The following PHACTR1 variants were observed in gnomAD, a reference collection of about 807,000 sequenced individuals.
PHACTR1 encodes phosphatase and actin regulator 1.
A neutral mutation model predicts 69.2 loss-of-function variants in PHACTR1; 16 were observed. That is an observed-to-expected ratio of 0.23 (90% CI 0.16 to 0.35). The LOEUF is 0.35. Among genes scored for constraint, PHACTR1 ranks in the 10% least tolerant of loss-of-function variants. The probability of loss-of-function intolerance (pLI) is 1.00; values close to 1 mark genes in which losing one functional copy is unlikely to be tolerated. For synonymous variants in PHACTR1, 312 were observed against 284.5 expected (o/e 1.10, Z -0.97); for missense variants, 510 against 734.7 (o/e 0.69, Z 3.54).
intron 4 of PHACTR1, among the ~76,000 whole-genome samples, chr6:13,006,842 C>G (rs1028879404): frequency 6.6e-6 from 1 of 152,164 alleles, no homozygotes; most frequent in Non-Finnish European, 1.5e-5. Context: ...CTTCAGAACC[C>G]AAAGGGAAGC....
At chr6:13,060,336 A>G (rs7738252) in intron 5 of PHACTR1, among the ~76,000 whole-genome samples, 38,141 of 152,082 alleles carry the variant, frequency 0.25, 5,222 homozygotes, top group African/African-American at 0.35. Context: ...TGAGAAGTTT[A>G]GCAGCTAAGT....
intron 10 of PHACTR1, chr6:13,272,631 C>G: frequency 7.3e-7 from 1 of 1,363,836 alleles, no homozygotes; most frequent in Non-Finnish European, 9.7e-7. Flanking sequence ...GGGGCCGCTG[C>G]AGGGAGGAGG....
chr6:12,829,150 G>A (rs537152917), intron 4 of PHACTR1, among the ~76,000 whole-genome samples: 4 of 152,278 alleles, frequency 2.6e-5, no homozygotes, highest in South Asian at 2.1e-4. Flanking sequence ...AAAGCAATTT[G>A]GAATAGAAGC....
intron 4 of PHACTR1, among the ~76,000 whole-genome samples, chr6:12,836,013 A>G (rs1019513599): frequency 2.0e-5 from 3 of 152,198 alleles, no homozygotes; most frequent in Admixed American, 1.3e-4. Context: ...TTGTTTCCTT[A>G]TAAAATCCTG....
chr6:12,983,232 G>A (rs1372073865), intron 4 of PHACTR1, among the ~76,000 whole-genome samples: 1 of 152,210 alleles, frequency 6.6e-6, no homozygotes, highest in Admixed American at 6.5e-5. Flanking sequence ...TTATGAACAA[G>A]TAGAGAATAA....
intron 5 of PHACTR1, among the ~76,000 whole-genome samples, chr6:13,119,632 A>T (rs1818398269): frequency 2.6e-5 from 4 of 152,066 alleles, no homozygotes; most frequent in Non-Finnish European, 2.9e-5. Context: ...TCTGCTTCCT[A>T]CTGAGGAGGA....
intron 4 of PHACTR1, among the ~76,000 whole-genome samples, chr6:12,955,344 G>A (rs1403661600): frequency 6.6e-6 from 1 of 151,624 alleles, no homozygotes; most frequent in Admixed American, 6.6e-5. Flanking sequence ...AATTACAGGT[G>A]CACACAACCA....
chr6:12,768,513 T>G (rs1768959890), intron 4 of PHACTR1, among the ~76,000 whole-genome samples: 1 of 151,980 alleles, frequency 6.6e-6, no homozygotes, highest in Non-Finnish European at 1.5e-5. Flanking sequence ...GAATGGAGAT[T>G]GGATTTTACT....
Position 12,904,907 on chromosome 6 carries a change from T to A in PHACTR1, c.251-148458T>A, listed in dbSNP as rs181754021. Reference sequence around the variant, plus strand: ...TTTTGTTGAGATGAGGTATGCAAAGTCCCTGGCATGCAGTGAGCACTCAGC... The same window carrying A: ...TTTTGTTGAGATGAGGTATGCAAAGACCCTGGCATGCAGTGAGCACTCAGC... On this transcript the variant is annotated intron_variant, in intron 4 of 14. Transcript: ENST00000332995. Among the ~76,000 whole-genome samples, 368 of 152,242 alleles carry A rather than the reference T, an allele frequency of 2.4e-3. 9 individuals are homozygous for A. The highest frequency in any genetic ancestry group is 0.022 in the Admixed American group (334 of 15,280).
intron 7 of PHACTR1, 109 bp downstream of exon 7, chr6:13,182,795 C>G: frequency 4.5e-6 from 5 of 1,108,348 alleles, no homozygotes; most frequent in Non-Finnish European, 6.1e-6. Flanking sequence ...CTATCCTGAG[C>G]GTAAGGATCT....
chr6:12,781,580 G>A (rs766186684), intron 4 of PHACTR1, among the ~76,000 whole-genome samples: 1 of 152,206 alleles, frequency 6.6e-6, no homozygotes, highest in Non-Finnish European at 1.5e-5. Context: ...GAGGCTCAAT[G>A]TTGTCATCCT....
chr6:13,106,768 A>T (rs963295039), intron 5 of PHACTR1, among the ~76,000 whole-genome samples: 8 of 151,678 alleles, frequency 5.3e-5, no homozygotes, highest in South Asian at 2.1e-4. Flanking sequence ...ATATTGCCCA[A>T]TTTTTTTTCA....
At chr6:13,126,785 G>A (rs1314847940) in intron 5 of PHACTR1, among the ~76,000 whole-genome samples, 1 of 152,248 alleles carries the variant, frequency 6.6e-6, no homozygotes, top group African/African-American at 2.4e-5. Context: ...GTAAATGGTA[G>A]ATATGGAATT....
chr6:13,109,370 C>A (rs945276934), intron 5 of PHACTR1, among the ~76,000 whole-genome samples: 1 of 151,790 alleles, frequency 6.6e-6, no homozygotes, highest in Non-Finnish European at 1.5e-5. Flanking sequence ...CTGAAAAGTT[C>A]TTGATTTTAC....
intron 10 of PHACTR1, among the ~76,000 whole-genome samples, chr6:13,247,067 T>C (rs978658339): frequency 2.0e-5 from 3 of 152,224 alleles, no homozygotes; most frequent in African/African-American, 7.2e-5. Flanking sequence ...TATAAGTGAA[T>C]ACACTTCTAT....
At chr6:13,267,407 C>T (rs1776896031) in intron 10 of PHACTR1, 1 of 152,210 alleles carries the variant, frequency 6.6e-6, no homozygotes, top group African/African-American at 2.4e-5. Context: ...AATGCAGAAC[C>T]ACAGACACTT....
intron 4 of PHACTR1, among the ~76,000 whole-genome samples, chr6:12,909,801 C>G (rs1476195408): frequency 6.6e-6 from 1 of 152,180 alleles, no homozygotes; most frequent in Non-Finnish European, 1.5e-5. Flanking sequence ...GGACCTCCCC[C>G]ATGAATATTT....
intron 11 of PHACTR1, among the ~76,000 whole-genome samples, chr6:13,276,779 T>TA (rs1178342449): frequency 2.0e-5 from 3 of 151,376 alleles, no homozygotes; most frequent in South Asian, 4.2e-4. Flanking sequence ...CTCAAAAAAA[T>TA]AAAAAATTAA....
intron 4 of PHACTR1, among the ~76,000 whole-genome samples, chr6:13,043,920 A>C (rs1804609554): frequency 6.6e-6 from 1 of 152,226 alleles, no homozygotes; most frequent in South Asian, 2.1e-4. Context: ...TCTATAGATT[A>C]AATGAACAAC....
Sources: allele counts gnomAD v4.1 joint callset (sites outside exome capture counted in the v4.1 genomes callset), GRCh38; gene constraint gnomAD v4.1.1; transcripts MANE v1.5; gene names NCBI Gene and HGNC (gene_info 2026-07-23, HGNC 2026-07-21).